CRPPA: variants seen among roughly 807,000 people sequenced by gnomAD.
The protein encoded by CRPPA is D-ribitol-5-phosphate cytidylyltransferase.
A neutral mutation model predicts 52.0 loss-of-function variants in CRPPA; 43 were observed. The ratio of observed to expected loss-of-function variants is 0.83; its 90% confidence interval spans 0.65 to 1.07. The LOEUF (loss-of-function observed/expected upper bound fraction) is 1.07, where lower values mean the gene tolerates loss of function less well. Ranked by LOEUF, CRPPA falls within the 50% of genes least tolerant of loss-of-function variation. The probability of loss-of-function intolerance (pLI) is 0.00; values close to 1 mark genes in which losing one functional copy is unlikely to be tolerated. For synonymous variants in CRPPA, 250 were observed against 203.5 expected, an observed-to-expected ratio of 1.23 and a Z score of -1.94; for missense variants, 629 against 551.7, an observed-to-expected ratio of 1.14 and a Z score of -1.40.
At chr7:16,250,746 A>G (rs1394179263) in intron 8 of CRPPA, among the ~76,000 whole-genome samples, 6 of 152,216 alleles carry the variant, frequency 3.9e-5, no homozygotes. Flanking sequence ...GAAAGGAACA[A>G]CTGGTTACCA....
chr7:16,357,727 G>A (rs2178598), intron 3 of CRPPA, among the ~76,000 whole-genome samples: 63,166 of 151,994 alleles, frequency 0.42, 13,260 homozygotes, highest in East Asian at 0.47. Context: ...TTTCATATAA[G>A]GTGTTAACTA....
At chr7:16,110,867 G>A (rs1336196437) in intron 9 of CRPPA, among the ~76,000 whole-genome samples, 1 of 151,864 alleles carries the variant, frequency 6.6e-6, no homozygotes, top group Non-Finnish European at 1.5e-5. Context: ...AAGAAAAACT[G>A]CACAACATGG....
chr7:16,235,114 G>C (rs1782911394), intron 8 of CRPPA, among the ~76,000 whole-genome samples: 1 of 152,030 alleles, frequency 6.6e-6, no homozygotes, highest in Non-Finnish European at 1.5e-5. Flanking sequence ...TCAATAAGGA[G>C]AGTAACTTGG....
intron 9 of CRPPA, among the ~76,000 whole-genome samples, chr7:16,187,156 C>G (rs1002048669): frequency 6.6e-6 from 1 of 152,066 alleles, no homozygotes; most frequent in East Asian, 1.9e-4. Flanking sequence ...ATAAGGTTTT[C>G]TTTCCTCAAG....
intron 9 of CRPPA, among the ~76,000 whole-genome samples, chr7:16,212,006 T>C (rs1349180505): frequency 6.6e-6 from 1 of 152,236 alleles, no homozygotes; most frequent in Non-Finnish European, 1.5e-5. Context: ...TTGTTCTATA[T>C]CCTATTTTGG....
intron 8 of CRPPA, chr7:16,237,260 A>T (rs1480284476): frequency 6.6e-6 from 1 of 152,174 alleles, no homozygotes; most frequent in Admixed American, 6.6e-5. Flanking sequence ...GCTATAACAC[A>T]TACCATCGAC....
chr7:16,129,478 A>G (rs987227773), intron 9 of CRPPA, among the ~76,000 whole-genome samples: 1 of 151,878 alleles, frequency 6.6e-6, no homozygotes, highest in African/African-American at 2.4e-5. Flanking sequence ...TTAGGCTCTC[A>G]TTGTCTCTCT....
At chr7:16,150,360 T>C (rs538716058) in intron 9 of CRPPA, among the ~76,000 whole-genome samples, 19 of 152,328 alleles carry the variant, frequency 1.2e-4, no homozygotes, top group African/African-American at 3.6e-4. Flanking sequence ...TTAAGAAGAA[T>C]AGATATCCTC....
At chr7:16,373,768 A>T (rs1786810655) in intron 3 of CRPPA, among the ~76,000 whole-genome samples, 1 of 152,212 alleles carries the variant, frequency 6.6e-6, no homozygotes, top group Admixed American at 6.5e-5. Context: ...TGGCTAGAGC[A>T]TATATAAGGG....
intron 6 of CRPPA, among the ~76,000 whole-genome samples, chr7:16,264,136 CA>C (rs1783891311): frequency 6.6e-6 from 1 of 151,982 alleles, no homozygotes. Flanking sequence ...CTAAATATAG[CA>C]AAGGTATCTG....
At chr7:16,130,882 A>G (rs543433672) in intron 9 of CRPPA, among the ~76,000 whole-genome samples, 2 of 152,068 alleles carry the variant, frequency 1.3e-5, no homozygotes, top group African/African-American at 4.8e-5. Context: ...ATAAGGACAG[A>G]GCCATCATTA....
chr7:16,125,926 C>CAA (rs1782571113), intron 9 of CRPPA, among the ~76,000 whole-genome samples: 1 of 145,204 alleles, frequency 6.9e-6, no homozygotes, highest in African/African-American at 2.6e-5. Flanking sequence ...CACACACACA[C>CAA]ACACACACAA....
chr7:16,371,151 C>G (rs566976568), intron 3 of CRPPA, among the ~76,000 whole-genome samples: 2 of 152,164 alleles, frequency 1.3e-5, no homozygotes, highest in Admixed American at 6.5e-5. Context: ...CCACCTTTAT[C>G]AAGGCTAGGA....
chr7:16,373,675 A>T (rs1026861445), intron 3 of CRPPA, among the ~76,000 whole-genome samples: 1 of 152,248 alleles, frequency 6.6e-6, no homozygotes, highest in Non-Finnish European at 1.5e-5. Context: ...TGATAATTAC[A>T]GGATAACTAA....
intron 8 of CRPPA, among the ~76,000 whole-genome samples, chr7:16,237,087 G>T (rs117053608): frequency 3.2e-4 from 48 of 152,060 alleles, no homozygotes; most frequent in African/African-American, 8.7e-4. Flanking sequence ...CTAATCTTCC[G>T]TATCTTACTA....
At chr7:16,153,374 A>G (rs1360915090) in intron 9 of CRPPA, among the ~76,000 whole-genome samples, 1 of 152,028 alleles carries the variant, frequency 6.6e-6, no homozygotes, top group Non-Finnish European at 1.5e-5. Flanking sequence ...ACATTTCTAA[A>G]AGTTTTTTTA....
At chr7:16,401,808 G>A (rs560610359) in intron 2 of CRPPA, among the ~76,000 whole-genome samples, 1 of 151,978 alleles carries the variant, frequency 6.6e-6, no homozygotes, top group South Asian at 2.1e-4. Context: ...AAAGATTACG[G>A]ACCTCTAATT....
chr7:16,239,947 T>C (rs902772401), intron 8 of CRPPA, among the ~76,000 whole-genome samples: 1 of 152,126 alleles, frequency 6.6e-6, no homozygotes, highest in Admixed American at 6.6e-5. Context: ...CCATTCTATC[T>C]GAAAATAACT....
In CRPPA at chr7:16,144,246, G is replaced by A. The variant is rs553976591; in HGVS notation, c.1252-52447C>T. Among the ~76,000 whole-genome samples, 15 of 152,288 alleles carry A rather than the reference G, an allele frequency of 9.8e-5. No homozygotes were observed. The South Asian group carries it at 1.0e-3, about 11-fold the overall frequency. On this transcript the variant is annotated intron_variant, in intron 9 of 9. Coordinates refer to ENST00000407010, the MANE Select transcript of CRPPA (RefSeq NM_001101426.4). ...CCTTTCACCAAAAATCCAGGGATGC[G>A]CCATGCCCATTCATGCCTGCAGTAA... is the stretch of plus-strand genomic sequence containing the variant.
Sources: allele counts gnomAD v4.1 joint callset (sites outside exome capture counted in the v4.1 genomes callset), GRCh38; gene constraint gnomAD v4.1.1; transcripts MANE v1.5; gene names NCBI Gene and HGNC (gene_info 2026-07-23, HGNC 2026-07-21).